LRRC28: variants seen among roughly 807,000 people sequenced by gnomAD.
LRRC28 encodes the protein leucine rich repeat containing 28.
Under a neutral mutation model 45.7 loss-of-function variants are expected in LRRC28, and 39 were observed. The ratio of observed to expected loss-of-function variants is 0.85; its 90% CI spans 0.66 to 1.12. LRRC28 has a LOEUF of 1.12. Among genes scored for constraint, LRRC28 ranks in the 50% most tolerant of loss-of-function variants. LRRC28 has a pLI of 0.00. For synonymous variants in LRRC28, 206 were observed against 178.8 expected (o/e 1.15, Z -1.22); for missense variants, 435 against 438.5 (o/e 0.99, Z 0.07).
chr15:99,293,525 A>G (rs1233629761), intron 5 of LRRC28, among the ~76,000 whole-genome samples: 1 of 138,272 alleles, frequency 7.2e-6, no homozygotes, highest in Admixed American at 8.1e-5. Context: ...CACAGGAGGC[A>G]GAGGTTGTGG....
intron 9 of LRRC28, among the ~76,000 whole-genome samples, chr15:99,382,067 G>C (rs1957845310): frequency 6.6e-6 from 1 of 152,368 alleles, no homozygotes; most frequent in East Asian, 1.9e-4. Flanking sequence ...CTGTCAGACA[G>C]GGACATTTAA....
At chr15:99,377,041 A>G (rs1414174648) in intron 9 of LRRC28, among the ~76,000 whole-genome samples, 1 of 152,138 alleles carries the variant, frequency 6.6e-6, no homozygotes, top group Non-Finnish European at 1.5e-5. Context: ...TTGATTTATA[A>G]TCCTTTGGGT....
At chr15:99,300,067 G>A (rs184608967) in intron 5 of LRRC28, among the ~76,000 whole-genome samples, 55 of 152,024 alleles carry the variant, frequency 3.6e-4, no homozygotes, top group African/African-American at 1.3e-3. Context: ...CAGAAGTTTG[G>A]CATTCTTCAC....
In LRRC28 at chr15:99,334,272, G is replaced by A. The variant is rs1956249786; in HGVS notation, c.592+143G>A. On this transcript the variant is annotated intron_variant, in intron 6 of 9. Coordinates refer to ENST00000301981, the MANE Select transcript of LRRC28 (RefSeq NM_144598.5). ...TAAGTTTGTTTTTGCAGTGAACAAAGCGTCATTCCTAGCTAACAAATGGAA... is the reference window on the plus strand; with the variant it reads ...TAAGTTTGTTTTTGCAGTGAACAAAACGTCATTCCTAGCTAACAAATGGAA... 5.9e-6 allele frequency: 5 copies of A among 845,454 alleles called. No homozygotes were observed. The Admixed American group carries it at 1.1e-4, about 19-fold the overall frequency. 52.4% of individuals were successfully genotyped at this position (845,454 alleles called of 1,614,324 possible).
At chr15:99,289,940 A>AC (rs2082070962) in intron 5 of LRRC28, among the ~76,000 whole-genome samples, 1 of 13,710 alleles carries the variant, frequency 7.3e-5, no homozygotes, top group East Asian at 1.3e-3. Context: ...ACTCCGTCTC[A>AC]AAAAAAAAAA....
At chr15:99,278,734 G>T (rs915500297) in intron 3 of LRRC28, among the ~76,000 whole-genome samples, 2 of 152,212 alleles carry the variant, frequency 1.3e-5, no homozygotes, top group African/African-American at 4.8e-5. Context: ...TCAGTGTCTT[G>T]TATTTTCTGA....
chr15:99,358,965 A>C lies in LRRC28; in HGVS notation c.696-2371A>C, dbSNP rs185756457. Among the ~76,000 whole-genome samples, 738 of 152,038 alleles carry C rather than the reference A, an allele frequency of 4.9e-3. 14 individuals carry two copies. Among genetic ancestry groups the C allele is most frequent in the Non-Finnish European group, 3.5e-3 (237 of 67,984 alleles). Reference sequence around the variant, plus strand: ...GTGGCGGGTGCCTGTAATCCTAGCTACTCAGGAGGCTGAGGAGGTGAATCA... The same window carrying C: ...GTGGCGGGTGCCTGTAATCCTAGCTCCTCAGGAGGCTGAGGAGGTGAATCA... On this transcript the variant is annotated intron_variant, in intron 7 of 9. Transcript: ENST00000301981.
At chr15:99,348,748 T>G (rs1567685003) in intron 6 of LRRC28, among the ~76,000 whole-genome samples, 2 of 108,240 alleles carry the variant, frequency 1.8e-5, no homozygotes, top group Admixed American at 9.6e-5. Context: ...TTTTTTGTTG[T>G]TTTTTTTTTG....
intron 2 of LRRC28, among the ~76,000 whole-genome samples, chr15:99,270,239 C>T (rs1398810432): frequency 1.3e-5 from 2 of 152,154 alleles, no homozygotes; most frequent in Non-Finnish European, 2.9e-5. Flanking sequence ...GCCAAGACTT[C>T]ATTAGCTTTT....
At chr15:99,273,332 G>C (rs910236687) in intron 2 of LRRC28, among the ~76,000 whole-genome samples, 12 of 150,074 alleles carry the variant, frequency 8.0e-5, no homozygotes, top group African/African-American at 3.0e-4. Context: ...TGCCTCCCGG[G>C]TTCAGGCCAT....
chr15:99,335,718 G>A (rs78220864), intron 6 of LRRC28, among the ~76,000 whole-genome samples: 14,343 of 151,894 alleles, frequency 0.094, 958 homozygotes, highest in East Asian at 0.3. Flanking sequence ...CTTGTGGTAA[G>A]TACCTAAGCT....
intron 6 of LRRC28, among the ~76,000 whole-genome samples, chr15:99,348,315 C>A (rs1278434977): frequency 6.6e-6 from 1 of 151,976 alleles, no homozygotes; most frequent in African/African-American, 2.4e-5. Flanking sequence ...GTAGCCTGAG[C>A]TTTTGGTGTG....
rs188998800 is a variant in LRRC28, at chr15:99,380,809, A to T, written c.1032-5221A>T. On this transcript the variant is annotated intron_variant, in intron 9 of 9. Transcript: ENST00000301981. ...CACTTATGAAGCTTAATTTGGCTGGATATGAAATTCTAGATTGAAAATTCT... is the reference window on the plus strand; with the variant it reads ...CACTTATGAAGCTTAATTTGGCTGGTTATGAAATTCTAGATTGAAAATTCT... 1.5e-4 allele frequency among the ~76,000 whole-genome samples: 23 copies of T among 152,330 alleles called. No homozygotes were observed. The East Asian group carries it at 3.9e-3, about 26-fold the overall frequency.
chr15:99,344,104 GT>G (rs1956607345), intron 6 of LRRC28, among the ~76,000 whole-genome samples: 1 of 152,136 alleles, frequency 6.6e-6, no homozygotes, highest in South Asian at 2.1e-4. Context: ...ATCCCACACT[GT>G]TTTGTGATCT....
At chr15:99,259,283 C>T (rs1226126234) in intron 2 of LRRC28, 20 of 1,102,590 alleles carry the variant, frequency 1.8e-5, no homozygotes, top group African/African-American at 7.7e-5. Context: ...ATTTGTTTAG[C>T]GACTTCTGAA....
chr15:99,372,544 A>G (rs927914071), intron 9 of LRRC28, among the ~76,000 whole-genome samples: 1 of 151,902 alleles, frequency 6.6e-6, no homozygotes, highest in African/African-American at 2.4e-5. Flanking sequence ...GATTATTAAT[A>G]CAACAAGCAG....
intron 3 of LRRC28, among the ~76,000 whole-genome samples, chr15:99,286,488 G>A (rs2081963633): frequency 6.6e-6 from 1 of 152,156 alleles, no homozygotes; most frequent in Admixed American, 6.5e-5. Context: ...CTAAAATCTT[G>A]TTCTCTTGTC....
At chr15:99,359,793 AATCTATCTTG>A (rs1957148083) in intron 7 of LRRC28, among the ~76,000 whole-genome samples, 1 of 152,200 alleles carries the variant, frequency 6.6e-6, no homozygotes, top group Non-Finnish European at 1.5e-5. Flanking sequence ...AAATTCTCTA[AATCTATCTTG>A]ATTGGCATAA....
At chr15:99,283,057 T>C (rs1415847115) in intron 3 of LRRC28, among the ~76,000 whole-genome samples, 2 of 151,978 alleles carry the variant, frequency 1.3e-5, no homozygotes, top group Non-Finnish European at 2.9e-5. Flanking sequence ...CATGCCCAGC[T>C]AATTTTTGTA....
Sources: gnomAD v4.1 joint callset for allele counts (sites outside exome capture counted in the v4.1 genomes callset) on GRCh38, gnomAD v4.1.1 for gene constraint, MANE v1.5 for transcripts, NCBI Gene and HGNC (gene_info 2026-07-23, HGNC 2026-07-21) for gene names.